The following BCAS3 variants were observed in gnomAD, a reference collection of about 807,000 sequenced individuals.
BCAS3 encodes BCAS4/BCAS3 fusion.
In BCAS3, 53 loss-of-function variants were observed where a neutral mutation model predicts 116.1. The ratio of observed to expected loss-of-function variants is 0.46; its 90% CI spans 0.37 to 0.57. The LOEUF (loss-of-function observed/expected upper bound fraction) is 0.57, where lower values mean the gene tolerates loss of function less well. Among genes scored for constraint, BCAS3 ranks in the 20% least tolerant of loss-of-function variants. The pLI is 0.00. For synonymous variants in BCAS3, 391 were observed against 408.2 expected (o/e 0.96, Z 0.51); for missense variants, 917 against 1,165.4 (o/e 0.79, Z 3.10).
Position 61,204,944 on chromosome 17 carries a change from C to T in BCAS3, c.2425+120380C>T, listed in dbSNP as rs879367670. Among the ~76,000 whole-genome samples, 2 of 151,980 alleles carry T rather than the reference C, an allele frequency of 1.3e-5. No homozygotes were observed. Among genetic ancestry groups the T allele is most frequent in the Non-Finnish European group, 2.9e-5 (2 of 68,014 alleles). On this transcript the variant is annotated intron_variant, in intron 22 of 23. Transcript: ENST00000407086. The surrounding 1 kb of genome is among the most constrained non-coding windows in gnomAD (Gnocchi z 4.2). ...GCACATACCTGTAGTCCCAGCTACT[C>T]AGGAGGCTGAAGTGGAAGGATCACC... is the stretch of plus-strand genomic sequence containing the variant.
In BCAS3 at chr17:61,333,383, C is replaced by T. The variant is rs1003074317; in HGVS notation, c.2426-34944C>T. Among the ~76,000 whole-genome samples, 1 of 152,178 alleles carries T rather than the reference C, an allele frequency of 6.6e-6. No homozygotes were observed. Among genetic ancestry groups the T allele is most frequent in the African/African-American group, 2.4e-5 (1 of 41,436 alleles). The stretch of plus-strand genomic sequence containing the variant: ...CTTACCAGACAATAGCTGTCTATGA[C>T]CTCAAGCCAGGCCTAGGACAAAGTG... On this transcript the variant is annotated intron_variant, in intron 22 of 23. Coordinates refer to ENST00000407086, the MANE Select transcript of BCAS3 (RefSeq NM_017679.5). The surrounding 1 kb of genome is among the most constrained non-coding windows in gnomAD (Gnocchi z 4.8).
At chr17:61,094,943 A>C (rs1480500542) in intron 22 of BCAS3, among the ~76,000 whole-genome samples, 1 of 152,242 alleles carries the variant, frequency 6.6e-6, no homozygotes. Context: ...CATCTGCAAC[A>C]TTTTCCGAAT....
intron 5 of BCAS3, among the ~76,000 whole-genome samples, chr17:60,721,361 T>C (rs1349066137): frequency 6.6e-6 from 1 of 152,216 alleles, no homozygotes; most frequent in Non-Finnish European, 1.5e-5. Flanking sequence ...TTGGTTGTTA[T>C]GGATGAATAA....
At chr17:61,149,354 GAGA>G (rs1894957127) in intron 22 of BCAS3, among the ~76,000 whole-genome samples, 2 of 152,004 alleles carry the variant, frequency 1.3e-5, no homozygotes, top group African/African-American at 2.4e-5. Context: ...AAGATTATTC[GAGA>G]AGAATTGTAT....
At chr17:60,816,754 G>T (rs187556778) in intron 7 of BCAS3, among the ~76,000 whole-genome samples, 1 of 152,142 alleles carries the variant, frequency 6.6e-6, no homozygotes, top group Non-Finnish European at 1.5e-5. Context: ...GGGTGGTTTT[G>T]TTATGTCTGA....
At chr17:60,709,371 G>GTT in intron 5 of BCAS3, 46 bp downstream of exon 5, 1 of 1,143,766 alleles carries the variant, frequency 8.7e-7, no homozygotes, top group Non-Finnish European at 1.3e-6. Context: ...TTCCCAGCAT[G>GTT]TTAGCTTATG....
At chr17:61,293,761 C>T (rs947847738) in intron 22 of BCAS3, among the ~76,000 whole-genome samples, 3 of 152,022 alleles carry the variant, frequency 2.0e-5, no homozygotes, top group African/African-American at 7.2e-5. Flanking sequence ...CTGGAAATAG[C>T]ACCTCATTTT....
At chr17:60,776,981 C>T (rs2045355485) in intron 6 of BCAS3, among the ~76,000 whole-genome samples, 1 of 147,846 alleles carries the variant, frequency 6.8e-6, no homozygotes, top group African/African-American at 2.6e-5. Context: ...TGCCACTGCA[C>T]TCCACGCTGG....
chr17:61,173,374 G>A (rs576297318), intron 22 of BCAS3, among the ~76,000 whole-genome samples: 4 of 151,232 alleles, frequency 2.6e-5, no homozygotes, highest in Non-Finnish European at 1.5e-5. Context: ...ATTTGAACCC[G>A]AGAGGCAGAG....
At chr17:60,807,891 G>T in intron 6 of BCAS3, 113 bp from the exon 7 acceptor site, 11 of 645,864 alleles carry the variant, frequency 1.7e-5, no homozygotes, top group Non-Finnish European at 2.3e-5. Context: ...TATAAATTAT[G>T]TCAACTTATA....
intron 6 of BCAS3, among the ~76,000 whole-genome samples, chr17:60,804,981 T>C (rs1042414108): frequency 1.3e-5 from 2 of 151,418 alleles, no homozygotes; most frequent in African/African-American, 2.4e-5. Context: ...TTTTTTTTTT[T>C]CCCCCAAGCA....
intron 20 of BCAS3, among the ~76,000 whole-genome samples, chr17:61,078,042 A>C (rs1019869805): frequency 9.9e-5 from 15 of 152,154 alleles, no homozygotes; most frequent in Admixed American, 9.2e-4. Context: ...TTTTACTTTC[A>C]TGTGATTTTT....
At chr17:61,015,704 T>C (rs2065407609) in intron 15 of BCAS3, 47 bp from the exon 16 acceptor site, 1 of 1,595,224 alleles carries the variant, frequency 6.3e-7, no homozygotes, top group African/African-American at 1.3e-5. Context: ...GAACGGGAGA[T>C]AGAGAACCTT....
intron 6 of BCAS3, among the ~76,000 whole-genome samples, chr17:60,773,957 G>T (rs1369996125): frequency 6.6e-6 from 1 of 152,140 alleles, no homozygotes; most frequent in East Asian, 1.9e-4. Flanking sequence ...TTACTGTTAT[G>T]TTCGTTGTGT....
At chr17:61,085,460 G>T (rs1283592474) in intron 22 of BCAS3, among the ~76,000 whole-genome samples, 1 of 152,156 alleles carries the variant, frequency 6.6e-6, no homozygotes, top group Non-Finnish European at 1.5e-5. Context: ...ACACAAAACT[G>T]ATTTGTGAAG....
chr17:61,370,189 A>T (rs1408832367), intron 23 of BCAS3, among the ~76,000 whole-genome samples: 1 of 152,196 alleles, frequency 6.6e-6, no homozygotes, highest in East Asian at 1.9e-4. Flanking sequence ...TCATGAAATT[A>T]AAAAGAATAA....
intron 9 of BCAS3, 68 bp from the exon 10 acceptor site, chr17:60,889,627 C>A: frequency 8.0e-7 from 1 of 1,255,394 alleles, no homozygotes; most frequent in Non-Finnish European, 1.1e-6. Context: ...TTTCTGGCAT[C>A]GATATATGAT....
At chr17:61,230,420 C>T (rs561119683) in intron 22 of BCAS3, among the ~76,000 whole-genome samples, 1 of 152,002 alleles carries the variant, frequency 6.6e-6, no homozygotes, top group Non-Finnish European at 1.5e-5. Context: ...GTGAGCATAG[C>T]GCCCAATAGG....
At position 61,211,673 on chromosome 17, in the gene BCAS3, A is replaced by T. The variant is rs957619701; in HGVS notation, c.2425+127109A>T. On this transcript the variant is annotated intron_variant, in intron 22 of 23. Coordinates refer to ENST00000407086, the MANE Select transcript of BCAS3 (RefSeq NM_017679.5). The surrounding 1 kb of genome is among the most constrained non-coding windows in gnomAD (Gnocchi z 4.4). ...TTGCATCCAGGTCATTTCTCCATAA[A>T]AAAAAAAAAAAAATGCCACTGACAT... 1.3e-5 allele frequency among the ~76,000 whole-genome samples: 2 copies of T among 150,934 alleles called. No homozygotes were observed. Among genetic ancestry groups the T allele is most frequent in the Non-Finnish European group, 2.9e-5 (2 of 67,924 alleles).
Sources: gnomAD v4.1 joint callset for allele counts (sites outside exome capture counted in the v4.1 genomes callset) on GRCh38, gnomAD v4.1.1 for gene constraint, Gnocchi (gnomAD v3.1) non-coding constraint, MANE v1.5 for transcripts, NCBI Gene and HGNC (gene_info 2026-07-23, HGNC 2026-07-21) for gene names.